Variants in SMG1 observed in about 807,000 individuals in gnomAD.
SMG1 encodes the protein serine/threonine-protein kinase SMG1.
Under a neutral mutation model 419.9 loss-of-function variants are expected in SMG1, and 22 were observed. That is an observed-to-expected ratio of 0.05 (90% CI 0.04 to 0.07). The LOEUF (loss-of-function observed/expected upper bound fraction) is 0.07. SMG1 is among the 10% of genes least tolerant of loss of function. The pLI is 1.00. For missense variants in SMG1, 3,185 were observed against 4,342.0 expected (o/e 0.73, Z 7.49); for synonymous variants, 1,538 against 1,553.5 (o/e 0.99, Z 0.23).
chr16:18,901,309 G>A (rs1379075924), intron 1 of SMG1, among the ~76,000 whole-genome samples: 2 of 152,038 alleles, frequency 1.3e-5, no homozygotes, highest in Non-Finnish European at 2.9e-5. Context: ...CTGCAGCCTC[G>A]ACCTCATGGG....
chr16:18,910,362 C>T (rs1389882154), intron 1 of SMG1, among the ~76,000 whole-genome samples: 1 of 151,802 alleles, frequency 6.6e-6, no homozygotes, highest in East Asian at 1.9e-4. Flanking sequence ...TCCCAAATAG[C>T]TGGGATTACA....
chr16:18,856,768 G>A (rs2034936936), intron 29 of SMG1: 1 of 151,658 alleles, frequency 6.6e-6, no homozygotes, highest in Non-Finnish European at 1.5e-5. Context: ...ACAACGTAGA[G>A]CTCAGTACCT....
chr16:18,902,599 C>T (rs372759643), intron 1 of SMG1, among the ~76,000 whole-genome samples: 2 of 151,876 alleles, frequency 1.3e-5, no homozygotes, highest in African/African-American at 4.8e-5. Context: ...ACTCAGGTGG[C>T]TGACGTAGGA....
rs1468763606 is a variant in SMG1 at position 18,875,576 on chromosome 16, A to T, written c.1890+548T>A. On this transcript the variant is annotated intron_variant, in intron 13 of 62. Transcript: ENST00000446231. Reference sequence around the variant, plus strand: ...ATGGCACTCCAGCCTGGGCAACAAGAGTAAAACCCCATCTCCAAAAAAAAA... The same window carrying T: ...ATGGCACTCCAGCCTGGGCAACAAGTGTAAAACCCCATCTCCAAAAAAAAA... 1.9e-5 allele frequency: 3 copies of T among 153,922 alleles called. No homozygotes were observed. In the East Asian group the frequency reaches 5.7e-4, roughly 29 times the overall value. 9.5% of individuals were successfully genotyped at this position (153,922 alleles called of 1,614,324 possible).
chr16:18,833,960 T>C (rs997326314), intron 50 of SMG1, among the ~76,000 whole-genome samples: 1 of 152,230 alleles, frequency 6.6e-6, no homozygotes, highest in Admixed American at 6.5e-5. Context: ...GTCCATTTGC[T>C]TGATGAACAC....
intron 51 of SMG1, among the ~76,000 whole-genome samples, chr16:18,832,075 T>C (rs967592294): frequency 4.6e-5 from 7 of 152,176 alleles, no homozygotes; most frequent in Non-Finnish European, 8.8e-5. Flanking sequence ...GTGCAGATAA[T>C]TACCAAAGGT....
intron 38 of SMG1, among the ~76,000 whole-genome samples, chr16:18,845,897 C>A (rs2034234682): frequency 6.6e-6 from 1 of 151,928 alleles, no homozygotes; most frequent in African/African-American, 2.4e-5. Flanking sequence ...CTCACTGCAA[C>A]CTCCACCTCC....
In SMG1 at chr16:18,869,892, A is replaced by C. The variant is rs2035722155; in HGVS notation, c.2595T>G (p.Val865=). The change falls in exon 19 of 63, where the codon GTT becomes GTG. Residue 865 remains valine, a synonymous_variant. Transcript: ENST00000446231. ...AGTTCCCATACAAAATAAAACTAATAACATCAGAGAAATCTTGGGGGTGGA... is the reference window on the plus strand; with the variant it reads ...AGTTCCCATACAAAATAAAACTAATCACATCAGAGAAATCTTGGGGGTGGA... ...NTFHPQDFSD[V]ISFILYGNSH... 1 of 1,569,238 alleles carries C rather than the reference A, an allele frequency of 6.4e-7. No homozygotes were observed. Among genetic ancestry groups the C allele is most frequent in the African/African-American group, 1.3e-5 (1 of 74,382 alleles).
intron 45 of SMG1, 32 bp downstream of exon 45, chr16:18,837,982 A>C (rs1435596163): frequency 6.2e-7 from 1 of 1,602,174 alleles, no homozygotes; most frequent in Non-Finnish European, 8.5e-7. Flanking sequence ...AATAAAAAGA[A>C]GACAATGACT....
At chr16:18,914,674 T>A (rs1367602547) in intron 1 of SMG1, among the ~76,000 whole-genome samples, 3 of 151,968 alleles carry the variant, frequency 2.0e-5, no homozygotes, top group Non-Finnish European at 4.4e-5. Context: ...ACAAATAAAA[T>A]AAAATAAAGA....
intron 9 of SMG1, among the ~76,000 whole-genome samples, chr16:18,882,943 C>T (rs2036463263): frequency 6.6e-6 from 1 of 152,124 alleles, no homozygotes; most frequent in Non-Finnish European, 1.5e-5. Flanking sequence ...AGCATCTCTA[C>T]AAACTAGAAT....
intron 31 of SMG1, among the ~76,000 whole-genome samples, chr16:18,852,810 C>T (rs138355436): frequency 6.6e-6 from 1 of 152,184 alleles, no homozygotes; most frequent in Non-Finnish European, 1.5e-5. Context: ...TGATCAGATT[C>T]ACTTTAATCA....
chr16:18,876,838 A>G (rs1296478278), intron 12 of SMG1, among the ~76,000 whole-genome samples: 2 of 152,034 alleles, frequency 1.3e-5, no homozygotes, highest in African/African-American at 4.8e-5. Flanking sequence ...TAACGTTATA[A>G]ATGTGTCAAC....
In SMG1 at chr16:18,868,374, A is replaced by T; in HGVS notation, c.3031-20T>A. On this transcript the variant is annotated intron_variant, in intron 21 of 62. Transcript: ENST00000446231. ...AATGACCTTTACGATAAGAGAAAGA[A>T]AAGCTCAGGACTGGTTCAATTTGTA... 8.5e-7 allele frequency: 1 copy of T among 1,176,226 alleles called. No individual in the cohort carries two copies. Among genetic ancestry groups the T allele is most frequent in the South Asian group, 1.3e-5 (1 of 74,812 alleles). The allele number at this position is 1,176,226 out of a possible 1,614,324, so 72.9% of individuals were successfully genotyped here. A position where few individuals can be genotyped will look rare whatever the true frequency, so the allele number is the denominator to read the frequency against.
At chr16:18,834,134 G>A (rs1303661882) in intron 50 of SMG1, 70 bp downstream of exon 50, 17 of 1,169,186 alleles carry the variant, frequency 1.5e-5, no homozygotes, top group Non-Finnish European at 2.0e-5. Context: ...TTGCTTTCCT[G>A]GGTTAAAGAG....
rs764563762 is a variant in SMG1, at chr16:18,896,939, G to A, written c.110C>T (p.Ala37Val). The stretch of plus-strand genomic sequence containing the variant: ...AGAATATTTTAAATTATCTGGGTCG[G>A]CTGATGCACTATCAGTTCTATAAAA... ...DWQPRTDSASADPDNLKYSSS... is the reference protein window; with the variant it reads ...DWQPRTDSASVDPDNLKYSSS... The change falls in exon 2 of 63, where the codon GCC (alanine) becomes GTC (valine). Residue 37 changes from alanine (A) to valine (V), a missense_variant. By Grantham distance (64) the Ala-to-Val change is moderately conservative. This residue lies in a region of SMG1 where 88 missense variants were observed against 85.9 expected (regional missense o/e 1.02). Transcript: ENST00000446231. 6 of 1,571,002 alleles carry A rather than the reference G, an allele frequency of 3.8e-6. No individual in the cohort carries two copies. Among genetic ancestry groups the A allele is most frequent in the Non-Finnish European group, 5.2e-6 (6 of 1,155,782 alleles).
At chr16:18,856,066 T>C (rs2034883386) in intron 29 of SMG1, among the ~76,000 whole-genome samples, 2 of 152,182 alleles carry the variant, frequency 1.3e-5, no homozygotes, top group Non-Finnish European at 2.9e-5. Flanking sequence ...CAGCCTGCCT[T>C]CTTCCTCATC....
At chr16:18,845,908 C>T (rs1319218536) in intron 38 of SMG1, among the ~76,000 whole-genome samples, 2 of 152,004 alleles carry the variant, frequency 1.3e-5, no homozygotes, top group Non-Finnish European at 2.9e-5. Context: ...CTCCACCTCC[C>T]GGGTTCAAGC....
At chr16:18,898,092 G>A (rs1306239398) in intron 1 of SMG1, among the ~76,000 whole-genome samples, 1 of 152,134 alleles carries the variant, frequency 6.6e-6, no homozygotes, top group African/African-American at 2.4e-5. Flanking sequence ...ATTTCGTTTA[G>A]AGTTTATTAG....
Sources: gnomAD v4.1 joint callset for allele counts (sites outside exome capture counted in the v4.1 genomes callset) on GRCh38, gnomAD v4.1.1 for gene constraint, gnomAD v4.1.1 regional missense constraint, MANE v1.5 for transcripts, NCBI Gene and HGNC (gene_info 2026-07-23, HGNC 2026-07-21) for gene names.